The following HDAC4 variants were observed in gnomAD, a reference collection of about 807,000 sequenced individuals.
The protein encoded by HDAC4 is histone deacetylase 4.
A neutral mutation model predicts 135.1 loss-of-function variants in HDAC4; 16 were observed. The observed-to-expected ratio is 0.12, with a 90% confidence interval of 0.08 to 0.18. HDAC4 has a LOEUF of 0.18. Among genes scored for constraint, HDAC4 ranks in the 10% least tolerant of loss-of-function variants. HDAC4 has a pLI of 1.00. For missense variants in HDAC4, 1,143 were observed against 1,511.8 expected (o/e 0.76, Z 4.05); for synonymous variants, 685 against 653.4 (o/e 1.05, Z -0.74).
At chr2:239,228,635 G>A (rs1428526967) in intron 3 of HDAC4, among the ~76,000 whole-genome samples, 3 of 152,116 alleles carry the variant, frequency 2.0e-5, no homozygotes, top group Admixed American at 1.3e-4. Flanking sequence ...GTTTAGGGGC[G>A]GATAGGGATG....
At chr2:239,192,221 GGGGTCC>G (rs2045028441) in intron 3 of HDAC4, among the ~76,000 whole-genome samples, 3 of 119,564 alleles carry the variant, frequency 2.5e-5, no homozygotes, top group Non-Finnish European at 5.0e-5. Context: ...GCAGAAAGCA[GGGGTCC>G]ACCCACCCCC....
chr2:239,348,609 T>G (rs1340470252), intron 2 of HDAC4, among the ~76,000 whole-genome samples: 2 of 152,234 alleles, frequency 1.3e-5, no homozygotes, highest in African/African-American at 4.8e-5. Context: ...CCGTCCACAC[T>G]CCCGGTTTCA....
intron 2 of HDAC4, among the ~76,000 whole-genome samples, chr2:239,251,093 C>T (rs778781077): frequency 1.3e-5 from 2 of 152,218 alleles, no homozygotes; most frequent in Non-Finnish European, 2.9e-5. Flanking sequence ...AGGGCCTTTC[C>T]ACATGAGTGG....
At chr2:239,396,698 G>A (rs1418299442) in intron 1 of HDAC4, among the ~76,000 whole-genome samples, 5 of 152,184 alleles carry the variant, frequency 3.3e-5, no homozygotes, top group South Asian at 2.1e-4. Context: ...CCCGGCTGAC[G>A]GAGTCTTTTG....
In HDAC4 at chr2:239,052,112, T is replaced by C. The variant is rs999534275; in HGVS notation, c.*985A>G. ...TCGTATGTGACGTGTGAGAACACTT[T>C]GGATTCGTTTAAAATTTGTTGGACT... On this transcript the variant is annotated 3_prime_UTR_variant, in exon 27 of 27. Coordinates refer to ENST00000543185, the MANE Select transcript of HDAC4 (RefSeq NM_001378414.1). The C allele has an allele frequency of 6.6e-6, 1 of 152,586 alleles. No homozygotes were observed. The highest frequency in any genetic ancestry group is 6.5e-5 in the Admixed American group (1 of 15,286). The allele number at this position is 152,586 out of a possible 1,614,324, so 9.5% of individuals were successfully genotyped here.
chr2:239,160,693 T>C (rs1358054879), intron 6 of HDAC4, among the ~76,000 whole-genome samples: 3 of 152,308 alleles, frequency 2.0e-5, no homozygotes, highest in East Asian at 1.9e-4. Context: ...GTTTGCACGG[T>C]AGCGTGTGCA....
intron 25 of HDAC4, 51 bp from the exon 26 acceptor site, chr2:239,053,652 TG>T: frequency 1.3e-6 from 2 of 1,571,150 alleles, no homozygotes; most frequent in Non-Finnish European, 1.7e-6. Flanking sequence ...CTTAGCAGGA[TG>T]CACTGAGGCC....
Position 239,094,999 on chromosome 2 carries a change from G to A in HDAC4, c.2280+11C>T, listed in dbSNP as rs1419688797. ...AACAGGACATTATTTACACATTAAA[G>A]GAACACTTACCCCAACACCACCGCA... On this transcript the variant is annotated intron_variant, in intron 17 of 26. Transcript: ENST00000543185. 1 of 1,613,826 alleles carries A rather than the reference G, an allele frequency of 6.2e-7. No homozygotes were observed. The highest frequency in any genetic ancestry group is 8.5e-7 in the Non-Finnish European group (1 of 1,179,980).
chr2:239,291,841 G>A (rs924512753), intron 2 of HDAC4, among the ~76,000 whole-genome samples: 15 of 152,182 alleles, frequency 9.9e-5, no homozygotes, highest in African/African-American at 2.9e-4. Context: ...AAGAGTCCCA[G>A]CTAGCTGGGC....
intron 14 of HDAC4, among the ~76,000 whole-genome samples, chr2:239,111,036 C>T (rs925435170): frequency 1.2e-4 from 18 of 152,376 alleles, no homozygotes; most frequent in Non-Finnish European, 1.8e-4. Flanking sequence ...AGACAGAGGA[C>T]GTGTGGCTCC....
intron 14 of HDAC4, among the ~76,000 whole-genome samples, chr2:239,109,067 G>A (rs1190241958): frequency 2.0e-5 from 3 of 152,230 alleles, no homozygotes; most frequent in Non-Finnish European, 4.4e-5. Flanking sequence ...GTGGCCCTCC[G>A]GGGCACAGCT....
Position 239,120,359 on chromosome 2 carries a change from A to C in HDAC4, c.1534-5049T>G, listed in dbSNP as rs530602523. Among the ~76,000 whole-genome samples, 691 of 151,970 alleles carry C rather than the reference A, an allele frequency of 4.5e-3. 5 individuals are homozygous for C. The highest frequency in any genetic ancestry group is 0.015 in the African/African-American group (634 of 41,384). On this transcript the variant is annotated intron_variant, in intron 12 of 26. Coordinates refer to ENST00000543185, the MANE Select transcript of HDAC4 (RefSeq NM_001378414.1). ...GAGGCTCACATACAGATACATACAC[A>C]CACAGATACATATACCCGCAGAGGC...
At chr2:239,321,780 C>A (rs2053323350) in intron 2 of HDAC4, among the ~76,000 whole-genome samples, 1 of 152,164 alleles carries the variant, frequency 6.6e-6, no homozygotes, top group Non-Finnish European at 1.5e-5. Flanking sequence ...AACATCACAG[C>A]TCCCGCCCAC....
chr2:239,114,304 C>T (rs1008585776), intron 13 of HDAC4, among the ~76,000 whole-genome samples: 4 of 152,116 alleles, frequency 2.6e-5, no homozygotes, highest in Admixed American at 6.5e-5. Flanking sequence ...CTCCTGCAGC[C>T]GAGGCAGCAG....
rs1272690883 is a variant in HDAC4 at position 239,050,084 on chromosome 2, A to G, written c.*3013T>C. ...GCAGATCCTCTGCCATCTGCCCTGG[A>G]CGCTTGCTGTGGAGAAGAGCCGAGT... On this transcript the variant is annotated 3_prime_UTR_variant, in exon 27 of 27. Coordinates refer to ENST00000543185, the MANE Select transcript of HDAC4 (RefSeq NM_001378414.1). The G allele has an allele frequency of 2.6e-5, 4 of 152,632 alleles. No homozygotes were observed. Among genetic ancestry groups the G allele is most frequent in the African/African-American group, 7.2e-5 (3 of 41,464 alleles). The allele number at this position is 152,632 out of a possible 1,614,324, so 9.5% of individuals were successfully genotyped here.
chr2:239,115,266 G>A lies in HDAC4; in HGVS notation c.1578C>T (p.His526=), dbSNP rs1467600366. The A allele has an allele frequency of 1.9e-6, 3 of 1,613,378 alleles. No homozygotes were observed. The highest frequency in any genetic ancestry group is 2.5e-6 in the Non-Finnish European group (3 of 1,179,972). ...PSEPARQPES[H]PEETEEELRE... Reference sequence around the variant, plus strand: ...GGAGCTCCTCCTCCGTCTCCTCCGGGTGGCTCTCCGGCTGCCGGGCTGGCT... The same window carrying A: ...GGAGCTCCTCCTCCGTCTCCTCCGGATGGCTCTCCGGCTGCCGGGCTGGCT... Residue 526 remains histidine (H), a synonymous_variant, in exon 13 of 27, where the codon CAC becomes CAT. Coordinates refer to ENST00000543185, the MANE Select transcript of HDAC4 (RefSeq NM_001378414.1). The surrounding 1 kb of genome is among the most constrained non-coding windows in gnomAD (Gnocchi z 6.3).
chr2:239,360,429 A>G (rs541637647), intron 1 of HDAC4, among the ~76,000 whole-genome samples: 1 of 152,288 alleles, frequency 6.6e-6, no homozygotes, highest in Admixed American at 6.5e-5. Flanking sequence ...CAGGACCTTC[A>G]GGGTCTGCCC....
At chr2:239,055,442 C>G (rs1178545003) in intron 24 of HDAC4, 1 of 163,618 alleles carries the variant, frequency 6.1e-6, no homozygotes, top group African/African-American at 2.4e-5. Flanking sequence ...ACTGGCCGGG[C>G]GTGGTGGCTC....
At position 239,218,954 on chromosome 2, in the gene HDAC4, A is replaced by T. The variant is rs538214987; in HGVS notation, c.94+17639T>A. 2.9e-3 allele frequency among the ~76,000 whole-genome samples: 425 copies of T among 145,776 alleles called. 3 individuals carry two copies. The highest frequency in any genetic ancestry group is 0.01 in the African/African-American group (401 of 39,900). The stretch of plus-strand genomic sequence containing the variant: ...ACCCCAGTTAGAATGGCAATCATTA[A>T]AAAGTCAGGAAACAACAGGTGCTGG... On this transcript the variant is annotated intron_variant, in intron 3 of 26. Transcript: ENST00000543185.
Sources: allele counts gnomAD v4.1 joint callset (sites outside exome capture counted in the v4.1 genomes callset), GRCh38; gene constraint gnomAD v4.1.1; non-coding constraint Gnocchi (gnomAD v3.1); transcripts MANE v1.5; gene names NCBI Gene and HGNC (gene_info 2026-07-23, HGNC 2026-07-21).